Variants in DUS2 observed in about 807,000 individuals in gnomAD.
DUS2 encodes the protein dihydrouridine synthase 2.
Under a neutral mutation model 71.3 loss-of-function variants are expected in DUS2, and 52 were observed. That is an observed-to-expected ratio of 0.73 (90% CI 0.58 to 0.92). DUS2 has a LOEUF of 0.92. DUS2 is among the 40% of genes least tolerant of loss of function. The pLI is 0.00. For synonymous variants in DUS2, 204 were observed against 227.8 expected, an observed-to-expected ratio of 0.90 and a Z score of 0.94; for missense variants, 558 against 622.6, an observed-to-expected ratio of 0.90 and a Z score of 1.10.
chr16:68,040,113 T>G (rs957169755), intron 3 of DUS2, among the ~76,000 whole-genome samples: 2 of 150,988 alleles, frequency 1.3e-5, no homozygotes, highest in African/African-American at 4.9e-5. Flanking sequence ...AGACAGTGTC[T>G]CACTCTGCCT....
chr16:68,056,872 T>C (rs1020513753), intron 7 of DUS2, among the ~76,000 whole-genome samples: 1 of 144,946 alleles, frequency 6.9e-6, no homozygotes, highest in African/African-American at 2.5e-5. Context: ...TTATATGTTA[T>C]ATAATATATA....
chr16:68,068,287 C>G (rs574485043), intron 10 of DUS2, among the ~76,000 whole-genome samples: 2 of 152,298 alleles, frequency 1.3e-5, no homozygotes, highest in South Asian at 4.2e-4. Context: ...TCCCTTCATA[C>G]AAAGCAGAGC....
At chr16:68,051,427 G>T (rs1454259153) in intron 4 of DUS2, among the ~76,000 whole-genome samples, 2 of 152,198 alleles carry the variant, frequency 1.3e-5, no homozygotes, top group Non-Finnish European at 2.9e-5. Flanking sequence ...GTCTCACTCT[G>T]TTGCTCAGGC....
chr16:68,077,254 A>AATAG (rs2034171507), intron 15 of DUS2: 1 of 151,860 alleles, frequency 6.6e-6, no homozygotes, highest in South Asian at 2.1e-4. Context: ...TAAATAAATA[A>AATAG]ATGGGGTCTT....
intron 2 of DUS2, among the ~76,000 whole-genome samples, chr16:68,033,486 A>G (rs987029663): frequency 6.6e-6 from 1 of 151,524 alleles, no homozygotes; most frequent in African/African-American, 2.4e-5. Flanking sequence ...TTTAAAAATT[A>G]AAAAAAAATT....
At chr16:68,024,929 T>C (rs1429044402) in intron 1 of DUS2, among the ~76,000 whole-genome samples, 1 of 151,590 alleles carries the variant, frequency 6.6e-6, no homozygotes, top group Non-Finnish European at 1.5e-5. Flanking sequence ...CCTTCTGGGT[T>C]CAAGGGATTC....
intron 8 of DUS2, among the ~76,000 whole-genome samples, chr16:68,061,484 T>C (rs1469788756): frequency 6.6e-6 from 1 of 152,092 alleles, no homozygotes; most frequent in African/African-American, 2.4e-5. Context: ...TATGTGTTTG[T>C]ATGTGTGTGG....
chr16:68,048,441 G>C (rs2033734604), intron 3 of DUS2, among the ~76,000 whole-genome samples: 1 of 152,208 alleles, frequency 6.6e-6, no homozygotes, highest in Admixed American at 6.5e-5. Context: ...ATGCCACACT[G>C]ATTCTTGGGG....
chr16:68,027,085 A>G (rs1030663612), intron 2 of DUS2: 6 of 152,182 alleles, frequency 3.9e-5, no homozygotes. Flanking sequence ...TTTACTGGGT[A>G]AGCCAGAGAT....
At chr16:68,070,606 G>T (rs2034070499) in intron 11 of DUS2, among the ~76,000 whole-genome samples, 1 of 152,170 alleles carries the variant, frequency 6.6e-6, no homozygotes, top group South Asian at 2.1e-4. Flanking sequence ...CATTCAGCTT[G>T]GGGGTTTTCC....
chr16:68,044,965 G>T (rs1819853168), intron 3 of DUS2, among the ~76,000 whole-genome samples: 1 of 151,348 alleles, frequency 6.6e-6, no homozygotes, highest in Non-Finnish European at 1.5e-5. Context: ...GATAATTTTT[G>T]TATTTTTAAT....
Position 68,063,165 on chromosome 16 carries a change from A to G in DUS2, c.417+2052A>G, listed in dbSNP as rs193102545. Among the ~76,000 whole-genome samples, 24 of 152,282 alleles carry G rather than the reference A, an allele frequency of 1.6e-4. No individual in the cohort carries two copies. The East Asian group carries it at 3.7e-3, about 23-fold the overall frequency. ...CCTCAGAAGCTTAGTTCATTTCACT[A>G]CTTCTCTGGTTGGGTACTCAGATGG... is the stretch of plus-strand genomic sequence containing the variant. On this transcript the variant is annotated intron_variant, in intron 8 of 16. Coordinates refer to ENST00000565263, the MANE Select transcript of DUS2 (RefSeq NM_017803.5).
intron 4 of DUS2, among the ~76,000 whole-genome samples, chr16:68,052,125 G>A (rs140977870): frequency 9.9e-5 from 15 of 151,556 alleles, no homozygotes; most frequent in Admixed American, 4.6e-4. Context: ...GGGTGGTCTC[G>A]AACTCCCTAA....
At chr16:68,069,468 G>A (rs1345083508) in intron 10 of DUS2, among the ~76,000 whole-genome samples, 1 of 152,184 alleles carries the variant, frequency 6.6e-6, no homozygotes, top group East Asian at 1.9e-4. Context: ...CGACCGTCTT[G>A]CTTGCTTTGT....
chr16:68,041,203 G>A (rs2033620851), intron 3 of DUS2, among the ~76,000 whole-genome samples: 1 of 152,100 alleles, frequency 6.6e-6, no homozygotes, highest in South Asian at 2.1e-4. Context: ...TCCAGCCTGG[G>A]CGACAGAACA....
Position 68,079,239 on chromosome 16 carries a change from A to G in DUS2, c.*253A>G, listed in dbSNP as rs2034204762. 1 of 395,374 alleles carries G rather than the reference A, an allele frequency of 2.5e-6. No individual in the cohort carries two copies. Among genetic ancestry groups the G allele is most frequent in the Non-Finnish European group, 4.5e-6 (1 of 220,156 alleles). 24.5% of individuals were successfully genotyped at this position (395,374 alleles called of 1,614,324 possible). On this transcript the variant is annotated 3_prime_UTR_variant, in exon 17 of 17. Coordinates refer to ENST00000565263, the MANE Select transcript of DUS2 (RefSeq NM_017803.5). ...GAGCTTTTCAGGTGGTAACTCCCCA[A>G]CCTGACATTGGTACTGTGCAATAAA...
intron 3 of DUS2, among the ~76,000 whole-genome samples, chr16:68,039,426 T>G (rs1344484515): frequency 6.6e-6 from 1 of 152,018 alleles, no homozygotes; most frequent in African/African-American, 2.4e-5. Flanking sequence ...TTTCTATTTT[T>G]TTTTTTCCTT....
chr16:68,039,835 A>T (rs999017976), intron 3 of DUS2, among the ~76,000 whole-genome samples: 2 of 152,116 alleles, frequency 1.3e-5, no homozygotes, highest in African/African-American at 4.8e-5. Flanking sequence ...ACACTCACGG[A>T]GTTAATGGCT....
rs368216467 is a variant in DUS2 at position 68,031,267 on chromosome 16, C to T, written c.-19+5773C>T. On this transcript the variant is annotated intron_variant, in intron 2 of 16. Transcript: ENST00000565263. ...GCAACCTCTGCCTCCCGGGTTCAAGCGATTCTCCTGCCTCAGCTTCCTGAG... is the reference window on the plus strand; with the variant it reads ...GCAACCTCTGCCTCCCGGGTTCAAGTGATTCTCCTGCCTCAGCTTCCTGAG... 2.4e-4 allele frequency among the ~76,000 whole-genome samples: 36 copies of T among 152,038 alleles called. 1 individual carries two copies. In the South Asian group the frequency reaches 6.6e-3, roughly 28 times the overall value.
Sources: gnomAD v4.1 joint callset for allele counts (sites outside exome capture counted in the v4.1 genomes callset) on GRCh38, gnomAD v4.1.1 for gene constraint, MANE v1.5 for transcripts, NCBI Gene and HGNC (gene_info 2026-07-23, HGNC 2026-07-21) for gene names.